The following TLN2 variants were observed in gnomAD, a reference collection of about 807,000 sequenced individuals.
TLN2 encodes talin 2.
Under a neutral mutation model 294.7 loss-of-function variants are expected in TLN2, and 118 were observed. The observed-to-expected ratio is 0.40, with a 90% CI of 0.34 to 0.47. The LOEUF (loss-of-function observed/expected upper bound fraction) is 0.47. TLN2 is among the 20% of genes least tolerant of loss of function. The pLI, the probability that TLN2 is intolerant of heterozygous loss-of-function variation, is 0.84. For missense variants in TLN2, 3,083 were observed against 3,282.2 expected (o/e 0.94, Z 1.48); for synonymous variants, 1,431 against 1,304.5 (o/e 1.10, Z -2.09).
intron 1 of TLN2, among the ~76,000 whole-genome samples, chr15:62,501,690 C>T (rs569722491): frequency 6.6e-6 from 1 of 152,282 alleles, no homozygotes; most frequent in South Asian, 2.1e-4. Context: ...GTGACAGAAC[C>T]TTTGGATGTT....
intron 13 of TLN2, 27 bp from the exon 14 acceptor site, chr15:62,694,289 T>C: frequency 1.9e-6 from 3 of 1,613,276 alleles, no homozygotes; most frequent in Non-Finnish European, 2.5e-6. Context: ...GTTTTCATTT[T>C]TGCATCTTGT....
chr15:62,740,478 C>T (rs928048794), intron 31 of TLN2, 152 bp from the exon 32 acceptor site: 2 of 905,846 alleles, frequency 2.2e-6, no homozygotes, highest in Non-Finnish European at 1.7e-6. Context: ...TGGTCAGTGT[C>T]TCAACGAGTT....
At chr15:62,456,863 G>A (rs2036512251) in intron 1 of TLN2, among the ~76,000 whole-genome samples, 1 of 152,114 alleles carries the variant, frequency 6.6e-6, no homozygotes, top group Admixed American at 6.5e-5. Flanking sequence ...TTGCCCCATG[G>A]CAGAAAAGGG....
intron 1 of TLN2, among the ~76,000 whole-genome samples, chr15:62,495,995 C>T (rs1378198831): frequency 6.6e-6 from 1 of 151,760 alleles, no homozygotes; most frequent in African/African-American, 2.4e-5. Flanking sequence ...TGTTTATCTT[C>T]TTTGTGTGCT....
At chr15:62,742,286 G>A (rs948102779) in intron 32 of TLN2, among the ~76,000 whole-genome samples, 5 of 152,038 alleles carry the variant, frequency 3.3e-5, no homozygotes, top group African/African-American at 9.7e-5. Flanking sequence ...TGGGGGTGAT[G>A]TCTGTTCTGT....
intron 54 of TLN2, among the ~76,000 whole-genome samples, chr15:62,821,960 G>A (rs944978487): frequency 1.3e-5 from 2 of 152,150 alleles, no homozygotes; most frequent in South Asian, 2.1e-4. Flanking sequence ...GATTTATCAC[G>A]ATGGCCTTTC....
chr15:62,588,877 T>C (rs1426380342), intron 1 of TLN2, among the ~76,000 whole-genome samples: 1 of 150,792 alleles, frequency 6.6e-6, no homozygotes, highest in Non-Finnish European at 1.5e-5. Context: ...AATAACAAAC[T>C]AGCAAATGAG....
At chr15:62,717,816 C>G (rs1424144790) in intron 24 of TLN2, 127 bp downstream of exon 24, 1 of 640,484 alleles carries the variant, frequency 1.6e-6, no homozygotes, top group Non-Finnish European at 2.5e-6. Flanking sequence ...GCCCCAGTTC[C>G]CATGTTCCAG....
At chr15:62,814,343 C>A (rs751669347) in intron 52 of TLN2, among the ~76,000 whole-genome samples, 2 of 152,196 alleles carry the variant, frequency 1.3e-5, no homozygotes, top group Non-Finnish European at 2.9e-5. Flanking sequence ...CTTCTATAGA[C>A]CACACAAAAG....
intron 7 of TLN2, among the ~76,000 whole-genome samples, chr15:62,654,571 C>G (rs956382174): frequency 6.6e-6 from 1 of 151,510 alleles, no homozygotes; most frequent in Non-Finnish European, 1.5e-5. Context: ...CTGACCAACA[C>G]GGTGAAACCC....
intron 1 of TLN2, among the ~76,000 whole-genome samples, chr15:62,411,104 A>G (rs1311087750): frequency 1.3e-5 from 2 of 152,144 alleles, no homozygotes; most frequent in Admixed American, 1.3e-4. Flanking sequence ...AACAGACCTG[A>G]GCCCTGCCCT....
chr15:62,391,601 C>G (rs927797698), intron 1 of TLN2, among the ~76,000 whole-genome samples: 1 of 152,238 alleles, frequency 6.6e-6, no homozygotes, highest in African/African-American at 2.4e-5. Context: ...GCCCCGCGCC[C>G]CAGTCGGAGA....
At chr15:62,658,976 G>A (rs749845276) in intron 9 of TLN2, among the ~76,000 whole-genome samples, 7 of 152,162 alleles carry the variant, frequency 4.6e-5, no homozygotes, top group Non-Finnish European at 1.0e-4. Context: ...AATAGAAAAT[G>A]GAGGGAAGAT....
chr15:62,815,233 T>TCTGTTC (rs2067022531), intron 52 of TLN2, among the ~76,000 whole-genome samples: 10 of 124,286 alleles, frequency 8.0e-5, no homozygotes, highest in Admixed American at 7.3e-4. Flanking sequence ...ACACACACAC[T>TCTGTTC]CACTCGCTCT....
chr15:62,553,231 C>T (rs1005063296), intron 1 of TLN2, among the ~76,000 whole-genome samples: 1 of 152,126 alleles, frequency 6.6e-6, no homozygotes, highest in Non-Finnish European at 1.5e-5. Context: ...CACAGTGGCT[C>T]ACTCCTGTAA....
intron 1 of TLN2, among the ~76,000 whole-genome samples, chr15:62,577,757 A>C (rs1038174452): frequency 6.6e-6 from 1 of 152,158 alleles, no homozygotes; most frequent in Non-Finnish European, 1.5e-5. Context: ...GATTTGTTAC[A>C]TAGGTATACA....
intron 9 of TLN2, among the ~76,000 whole-genome samples, chr15:62,673,122 G>A (rs191466096): frequency 1.3e-3 from 164 of 129,338 alleles, no homozygotes; most frequent in African/African-American, 3.9e-3. Context: ...AGGAGGGAAA[G>A]TGGATGTTAA....
chr15:62,612,660 A>G (rs933157511), intron 2 of TLN2, among the ~76,000 whole-genome samples: 2 of 152,196 alleles, frequency 1.3e-5, no homozygotes, highest in Non-Finnish European at 2.9e-5. Flanking sequence ...TGTTGTCACC[A>G]GAAAAGCAAT....
intron 2 of TLN2, among the ~76,000 whole-genome samples, chr15:62,604,674 G>A (rs72755811): frequency 0.051 from 7,573 of 149,794 alleles, 322 homozygotes; most frequent in East Asian, 0.13. Context: ...AGTGGAAAGT[G>A]GATTTCTTCT....
Sources: allele counts gnomAD v4.1 joint callset (sites outside exome capture counted in the v4.1 genomes callset), GRCh38; gene constraint gnomAD v4.1.1; transcripts MANE v1.5; gene names NCBI Gene and HGNC (gene_info 2026-07-23, HGNC 2026-07-21).